Variants in CACNB4 observed in about 807,000 individuals in gnomAD.
The protein encoded by CACNB4 is voltage-dependent L-type calcium channel subunit beta-4.
CACNB4 carries 32 observed loss-of-function variants against 71.2 expected under a neutral mutation model. The ratio of observed to expected loss-of-function variants is 0.45; its 90% CI spans 0.34 to 0.60. CACNB4 has a LOEUF of 0.60. Among genes scored for constraint, CACNB4 ranks in the 20% least tolerant of loss-of-function variants. The probability of loss-of-function intolerance (pLI) is 0.01; values close to 1 mark genes in which losing one functional copy is unlikely to be tolerated. For synonymous variants in CACNB4, 231 were observed against 236.9 expected (o/e 0.97, Z 0.23); for missense variants, 464 against 647.9 (o/e 0.72, Z 3.08).
At chr2:152,007,373 C>T (rs1682788994) in intron 2 of CACNB4, among the ~76,000 whole-genome samples, 1 of 152,216 alleles carries the variant, frequency 6.6e-6, no homozygotes. Flanking sequence ...ACTAACTCTC[C>T]ATTCTGTCCT....
chr2:152,084,464 T>A (rs1299310247), intron 2 of CACNB4, among the ~76,000 whole-genome samples: 2 of 152,186 alleles, frequency 1.3e-5, no homozygotes, highest in African/African-American at 4.8e-5. Flanking sequence ...GAGCACACGT[T>A]AAGACACTTA....
At chr2:151,956,348 T>C (rs201150551) in intron 2 of CACNB4, among the ~76,000 whole-genome samples, 1 of 152,230 alleles carries the variant, frequency 6.6e-6, no homozygotes, top group Non-Finnish European at 1.5e-5. Flanking sequence ...TGTAATGGAA[T>C]AATATTTGGC....
chr2:151,989,496 T>G (rs1681566323), intron 2 of CACNB4, among the ~76,000 whole-genome samples: 1 of 152,238 alleles, frequency 6.6e-6, no homozygotes. Flanking sequence ...GAAACTCTCC[T>G]GCTCCTTGGT....
chr2:151,950,341 T>C (rs6734642), intron 2 of CACNB4, among the ~76,000 whole-genome samples: 69,697 of 152,156 alleles, frequency 0.46, 19,851 homozygotes, highest in Non-Finnish European at 0.64. Context: ...CCTGACTTCA[T>C]TGATGTCTGC....
chr2:151,928,609 T>G (rs889386173), intron 2 of CACNB4, among the ~76,000 whole-genome samples: 2 of 152,148 alleles, frequency 1.3e-5, no homozygotes, highest in African/African-American at 4.8e-5. Context: ...CTGTGCTTCG[T>G]TTGGTAAATA....
intron 2 of CACNB4, among the ~76,000 whole-genome samples, chr2:151,988,685 T>C (rs1406826380): frequency 6.6e-6 from 1 of 152,162 alleles, no homozygotes; most frequent in Admixed American, 6.5e-5. Context: ...CCCTGCCATA[T>C]CCTTGAGTGG....
chr2:151,985,734 A>G (rs184952077), intron 2 of CACNB4, among the ~76,000 whole-genome samples: 1 of 150,630 alleles, frequency 6.6e-6, no homozygotes, highest in East Asian at 1.9e-4. Flanking sequence ...ACGTATTTTC[A>G]TAAGTATACT....
intron 2 of CACNB4, among the ~76,000 whole-genome samples, chr2:152,007,647 T>C (rs938831053): frequency 2.6e-5 from 4 of 152,240 alleles, no homozygotes; most frequent in African/African-American, 9.6e-5. Context: ...TACTTCCACA[T>C]TTTGGCTATT....
At chr2:152,079,607 G>GAA (rs1271876002) in intron 2 of CACNB4, among the ~76,000 whole-genome samples, 2 of 151,746 alleles carry the variant, frequency 1.3e-5, no homozygotes, top group African/African-American at 4.8e-5. Context: ...GCAACATAGT[G>GAA]AAACCCTGTC....
intron 2 of CACNB4, among the ~76,000 whole-genome samples, chr2:152,011,241 G>A (rs189669948): frequency 3.2e-4 from 49 of 152,222 alleles, no homozygotes; most frequent in Admixed American, 6.5e-4. Flanking sequence ...TGAAACTCCA[G>A]GCTCAGTTAT....
intron 2 of CACNB4, among the ~76,000 whole-genome samples, chr2:152,086,868 C>T (rs1400256607): frequency 1.3e-5 from 2 of 151,990 alleles, no homozygotes; most frequent in Admixed American, 1.3e-4. Flanking sequence ...CGGTGGCTCA[C>T]GCCTATAATC....
intron 2 of CACNB4, among the ~76,000 whole-genome samples, chr2:151,896,062 C>T (rs540837375): frequency 6.6e-6 from 1 of 152,162 alleles, no homozygotes; most frequent in African/African-American, 2.4e-5. Flanking sequence ...GCCGGGGCTG[C>T]TCTGAACTCC....
intron 2 of CACNB4, among the ~76,000 whole-genome samples, chr2:151,896,875 G>A (rs908921629): frequency 2.0e-5 from 3 of 152,150 alleles, no homozygotes; most frequent in Admixed American, 2.0e-4. Flanking sequence ...CCACACTGAA[G>A]TAAACAAGGC....
chr2:151,956,970 A>C (rs1578968995), intron 2 of CACNB4, among the ~76,000 whole-genome samples: 1 of 152,092 alleles, frequency 6.6e-6, no homozygotes, highest in African/African-American at 2.4e-5. Flanking sequence ...ACAAGGCGAA[A>C]CCCAGTCTCT....
intron 2 of CACNB4, among the ~76,000 whole-genome samples, chr2:152,017,430 G>A (rs1286116309): frequency 1.3e-5 from 2 of 151,002 alleles, no homozygotes; most frequent in East Asian, 1.9e-4. Flanking sequence ...GAGATGGGCC[G>A]GGCGCGGTGG....
intron 9 of CACNB4, chr2:151,866,192 G>A (rs181500136): frequency 9.9e-5 from 15 of 152,050 alleles, no homozygotes; most frequent in African/African-American, 3.1e-4. Context: ...AATTTCTAAG[G>A]TATCAAAAAA....
intron 2 of CACNB4, among the ~76,000 whole-genome samples, chr2:152,082,640 C>T (rs1687424439): frequency 6.6e-6 from 1 of 152,194 alleles, no homozygotes; most frequent in African/African-American, 2.4e-5. Context: ...CCCATTCTCA[C>T]CCCCGTTTTG....
intron 2 of CACNB4, among the ~76,000 whole-genome samples, chr2:151,992,211 C>G (rs10200299): frequency 0.22 from 33,639 of 152,176 alleles, 3,902 homozygotes; most frequent in Middle Eastern, 0.41. Flanking sequence ...CTGTCCACCA[C>G]AGCTGCAGCT....
chr2:151,875,603 G>T (rs1445257301), intron 5 of CACNB4, among the ~76,000 whole-genome samples: 2 of 146,544 alleles, frequency 1.4e-5, no homozygotes, highest in Admixed American at 6.7e-5. Context: ...CCCGGACGGG[G>T]CGGCTCGCCA....
Sources: gnomAD v4.1 joint callset for allele counts (sites outside exome capture counted in the v4.1 genomes callset) on GRCh38, gnomAD v4.1.1 for gene constraint, MANE v1.5 for transcripts, NCBI Gene and HGNC (gene_info 2026-07-23, HGNC 2026-07-21) for gene names.